Variants in ORC5 observed in about 807,000 individuals in gnomAD.
The protein encoded by ORC5 is origin recognition complex subunit 5.
Under a neutral mutation model 58.8 loss-of-function variants are expected in ORC5, and 39 were observed. That is an observed-to-expected ratio of 0.66 (90% CI 0.51 to 0.87). ORC5 has a LOEUF of 0.87. Among genes scored for constraint, ORC5 ranks in the 40% least tolerant of loss-of-function variants. ORC5 has a pLI of 0.00. For missense variants in ORC5, 493 were observed against 506.3 expected (o/e 0.97, Z 0.25); for synonymous variants, 218 against 177.6 (o/e 1.23, Z -1.81).
chr7:104,141,637 G>A (rs1352416813), intron 12 of ORC5, among the ~76,000 whole-genome samples: 1 of 152,016 alleles, frequency 6.6e-6, no homozygotes, highest in African/African-American at 2.4e-5. Context: ...TTTCAGTAAA[G>A]TTGCAGAATA....
In ORC5 at chr7:104,188,699, G is replaced by T. The variant is rs915516809; in HGVS notation, c.554-318C>A. 5.9e-5 allele frequency among the ~76,000 whole-genome samples: 9 copies of T among 152,186 alleles called. No homozygotes were observed. In the Middle Eastern group the frequency reaches 0.01, roughly 173 times the overall value. Reference sequence around the variant, plus strand: ...ACATACCTCAATTTATACTAATGAGGTGTTTCTTGATGGGTGATATGGTTT... The same window carrying T: ...ACATACCTCAATTTATACTAATGAGTTGTTTCTTGATGGGTGATATGGTTT... On this transcript the variant is annotated intron_variant, in intron 5 of 13. Transcript: ENST00000297431.
intron 8 of ORC5, among the ~76,000 whole-genome samples, chr7:104,174,506 G>C (rs1799281115): frequency 6.6e-6 from 1 of 152,132 alleles, no homozygotes; most frequent in Admixed American, 6.5e-5. Context: ...TTTAACTGAT[G>C]GGCAAATTGT....
chr7:104,188,218 A>G (rs779925485), intron 6 of ORC5, 33 bp downstream of exon 6: 4 of 1,400,998 alleles, frequency 2.9e-6, no homozygotes, highest in African/African-American at 1.6e-5. Context: ...ACACACACAC[A>G]TATATATATA....
intron 2 of ORC5, among the ~76,000 whole-genome samples, chr7:104,201,513 A>G (rs895992324): frequency 6.6e-6 from 1 of 152,074 alleles, no homozygotes; most frequent in East Asian, 1.9e-4. Flanking sequence ...ATTTTCCTAT[A>G]AAGAATTCTT....
Position 104,184,043 on chromosome 7 carries a change from A to C in ORC5, c.734-10T>G. On this transcript the variant is annotated splice_polypyrimidine_tract_variant and intron_variant, in intron 7 of 13. Coordinates refer to ENST00000297431, the MANE Select transcript of ORC5 (RefSeq NM_002553.4). ...GTATCACGTTCACTTGCTACCCCAAAGGGAAGAAAATTTCAGTAATTTATA... is the reference window on the plus strand; with the variant it reads ...GTATCACGTTCACTTGCTACCCCAACGGGAAGAAAATTTCAGTAATTTATA... 6.2e-7 allele frequency: 1 copy of C among 1,606,452 alleles called. No individual in the cohort carries two copies. The highest frequency in any genetic ancestry group is 8.5e-7 in the Non-Finnish European group (1 of 1,176,754).
chr7:104,165,597 C>T (rs1458879997), intron 10 of ORC5: 1 of 203,834 alleles, frequency 4.9e-6, no homozygotes, highest in Non-Finnish European at 9.6e-6. Flanking sequence ...AATGAAACTT[C>T]CAGAGATATG....
At chr7:104,145,124 T>C (rs769597185) in intron 12 of ORC5, among the ~76,000 whole-genome samples, 1 of 152,186 alleles carries the variant, frequency 6.6e-6, no homozygotes, top group Non-Finnish European at 1.5e-5. Context: ...ATAAGACAAA[T>C]AGCCTTCTTA....
chr7:104,207,988 C>G lies in ORC5; in HGVS notation c.-84G>C, dbSNP rs982887457. 2.3e-5 allele frequency: 31 copies of G among 1,337,594 alleles called. No individual in the cohort carries two copies. Among genetic ancestry groups the G allele is most frequent in the Non-Finnish European group, 3.2e-5 (30 of 941,066 alleles). 82.9% of individuals were successfully genotyped at this position (1,337,594 alleles called of 1,614,324 possible). A position where few individuals can be genotyped will look rare whatever the true frequency, so the allele number is the denominator to read the frequency against. The stretch of plus-strand genomic sequence containing the variant: ...CGGAGCCTCTCCCGAGTCTGGCGGC[C>G]CACGCTCCCGCCGGAAACCGGACCC... On this transcript the variant is annotated 5_prime_UTR_variant, in exon 1 of 14. Coordinates refer to ENST00000297431, the MANE Select transcript of ORC5 (RefSeq NM_002553.4).
At chr7:104,178,616 T>C (rs2115942752) in intron 8 of ORC5, among the ~76,000 whole-genome samples, 1 of 152,304 alleles carries the variant, frequency 6.6e-6, no homozygotes, top group African/African-American at 2.4e-5. Context: ...TTTGGTGTTT[T>C]ATTCATGAAG....
At position 104,200,880 on chromosome 7, in the gene ORC5, G is replaced by A. The variant is rs367840960; in HGVS notation, c.244C>T (p.His82Tyr). The change falls in exon 3 of 14, where the codon CAT becomes TAT. Residue 82 changes from histidine to tyrosine, a missense_variant. His to Tyr is a moderately conservative substitution (Grantham distance 83). This residue lies in a region of ORC5 where 412 missense variants were observed against 403.7 expected (regional missense o/e 1.02). Transcript: ENST00000297431. ...CATCCATCCTCTGAAGAACTAAGAT[G>A]ATTCAATTTGTTTAAAATTTGTTCC... is the stretch of plus-strand genomic sequence containing the variant. ...LLEQILNKLNHLSSSEDGCST... is the reference protein window; with the variant it reads ...LLEQILNKLNYLSSSEDGCST... 89 of 1,612,944 alleles carry A rather than the reference G, an allele frequency of 5.5e-5. No homozygotes were observed. The highest frequency in any genetic ancestry group is 7.0e-5 in the Non-Finnish European group (82 of 1,179,136).
chr7:104,185,319 T>C (rs1799521024), intron 6 of ORC5, among the ~76,000 whole-genome samples: 1 of 152,144 alleles, frequency 6.6e-6, no homozygotes, highest in Non-Finnish European at 1.5e-5. Context: ...TATTAGTTTG[T>C]TTTATAGATT....
intron 12 of ORC5, among the ~76,000 whole-genome samples, chr7:104,145,463 AC>A (rs1282897894): frequency 6.6e-6 from 1 of 152,186 alleles, no homozygotes; most frequent in Non-Finnish European, 1.5e-5. Flanking sequence ...TAATGGTAAA[AC>A]ATTCTGTAAT....
intron 8 of ORC5, among the ~76,000 whole-genome samples, chr7:104,179,106 T>C (rs1799381505): frequency 7.8e-6 from 1 of 128,652 alleles, no homozygotes; most frequent in Non-Finnish European, 1.7e-5. Flanking sequence ...AAAAGAAAAG[T>C]GAATTTTTTT....
At chr7:104,174,706 C>T (rs1379469801) in intron 8 of ORC5, among the ~76,000 whole-genome samples, 1 of 152,198 alleles carries the variant, frequency 6.6e-6, no homozygotes, top group African/African-American at 2.4e-5. Flanking sequence ...TGATCAGCAG[C>T]TTTCCAATAA....
intron 8 of ORC5, among the ~76,000 whole-genome samples, chr7:104,176,073 G>A (rs1004596145): frequency 3.3e-5 from 5 of 152,196 alleles, no homozygotes; most frequent in Non-Finnish European, 5.9e-5. Context: ...GTTTAGTCAT[G>A]AGAACAGGTC....
chr7:104,187,969 T>G, intron 6 of ORC5: 1 of 1,035,272 alleles, frequency 9.7e-7, no homozygotes. Flanking sequence ...CTGCATTTTC[T>G]GCAATTAGAG....
chr7:104,171,262 C>T (rs1248651176), intron 8 of ORC5, among the ~76,000 whole-genome samples: 1 of 152,148 alleles, frequency 6.6e-6, no homozygotes, highest in African/African-American at 2.4e-5. Context: ...GTTTTATTCA[C>T]ATTTTCTGTT....
intron 8 of ORC5, among the ~76,000 whole-genome samples, chr7:104,169,695 T>G (rs1799176233): frequency 6.6e-6 from 1 of 152,166 alleles, no homozygotes; most frequent in Non-Finnish European, 1.5e-5. Flanking sequence ...GTGGGCCTTC[T>G]TTGAGTATAC....
chr7:104,148,624 T>C (rs1798798271), intron 12 of ORC5, among the ~76,000 whole-genome samples: 1 of 152,222 alleles, frequency 6.6e-6, no homozygotes, highest in South Asian at 2.1e-4. Flanking sequence ...GAGTTTGATG[T>C]CACAAAAGTA....
Sources: gnomAD v4.1 joint callset for allele counts (sites outside exome capture counted in the v4.1 genomes callset) on GRCh38, gnomAD v4.1.1 for gene constraint, gnomAD v4.1.1 regional missense constraint, MANE v1.5 for transcripts, NCBI Gene and HGNC (gene_info 2026-07-23, HGNC 2026-07-21) for gene names.